Variants in IL22RA1 observed in about 807,000 individuals in gnomAD.
The protein encoded by IL22RA1 is interleukin 22 receptor subunit alpha 1.
A neutral mutation model predicts 32.8 loss-of-function variants in IL22RA1; 25 were observed. The ratio of observed to expected loss-of-function variants is 0.76; its 90% CI spans 0.55 to 1.06. The LOEUF is 1.06. Among genes scored for constraint, IL22RA1 ranks in the 50% least tolerant of loss-of-function variants. The pLI is 0.00. For missense variants in IL22RA1, 709 were observed against 727.4 expected, an observed-to-expected ratio of 0.97 and a Z score of 0.29; for synonymous variants, 305 against 305.0, an observed-to-expected ratio of 1.00 and a Z score of 0.00.
At chr1:24,126,494 G>A (rs986977538) in intron 5 of IL22RA1, among the ~76,000 whole-genome samples, 1 of 152,190 alleles carries the variant, frequency 6.6e-6, no homozygotes, top group East Asian at 1.9e-4. Flanking sequence ...CCCAGAGGCT[G>A]AGTGACTCCC....
At chr1:24,129,595 A>G (rs1569571584) in intron 4 of IL22RA1, among the ~76,000 whole-genome samples, 1 of 152,192 alleles carries the variant, frequency 6.6e-6, no homozygotes, top group Admixed American at 6.5e-5. Context: ...ATTGCCCTTA[A>G]AGGATCCAGA....
intron 6 of IL22RA1, 89 bp from the exon 7 acceptor site, chr1:24,121,826 A>C: frequency 1.9e-6 from 2 of 1,075,614 alleles, no homozygotes; most frequent in Non-Finnish European, 2.5e-6. Flanking sequence ...GGTCCTCCAT[A>C]GGGAGGCATC....
chr1:24,140,595 G>A (rs1644273746), intron 1 of IL22RA1, among the ~76,000 whole-genome samples: 1 of 152,196 alleles, frequency 6.6e-6, no homozygotes, highest in African/African-American at 2.4e-5. Flanking sequence ...GAAGGGCAGT[G>A]AGGGCCTGAG....
chr1:24,129,085 G>A (rs901441986), intron 4 of IL22RA1, among the ~76,000 whole-genome samples: 3 of 152,068 alleles, frequency 2.0e-5, no homozygotes, highest in Admixed American at 6.5e-5. Flanking sequence ...TTTGATTCTC[G>A]TTCTTCTGTG....
At chr1:24,126,027 G>A (rs997877320) in intron 5 of IL22RA1, among the ~76,000 whole-genome samples, 1 of 152,246 alleles carries the variant, frequency 6.6e-6, no homozygotes, top group Non-Finnish European at 1.5e-5. Flanking sequence ...TTGTGGGTAA[G>A]GGTGGAGTGG....
At chr1:24,139,040 A>C (rs1406557331) in intron 1 of IL22RA1, among the ~76,000 whole-genome samples, 1 of 152,246 alleles carries the variant, frequency 6.6e-6, no homozygotes, top group Non-Finnish European at 1.5e-5. Flanking sequence ...AACGTTGTGC[A>C]ATCATCGCTA....
chr1:24,134,470 G>T, intron 3 of IL22RA1, 84 bp from the exon 4 acceptor site: 1 of 992,196 alleles, frequency 1.0e-6, no homozygotes, highest in Non-Finnish European at 1.4e-6. Flanking sequence ...AGTGGAAAAT[G>T]ACTGCTCCCT....
At chr1:24,141,971 G>A (rs4648936) in intron 1 of IL22RA1, among the ~76,000 whole-genome samples, 92,793 of 152,036 alleles carry the variant, frequency 0.61, 30,679 homozygotes, top group East Asian at 0.99. Context: ...GCAGCGCGAG[G>A]CAGCTGACCC....
At chr1:24,129,488 C>A (rs1227985681) in intron 4 of IL22RA1, among the ~76,000 whole-genome samples, 1 of 152,230 alleles carries the variant, frequency 6.6e-6, no homozygotes, top group East Asian at 1.9e-4. Context: ...GCTTTTGATT[C>A]TCTAATTTTG....
chr1:24,139,969 T>C (rs1644269382), intron 1 of IL22RA1, among the ~76,000 whole-genome samples: 1 of 152,236 alleles, frequency 6.6e-6, no homozygotes, highest in Non-Finnish European at 1.5e-5. Flanking sequence ...CGCTCTTGAC[T>C]GAGCCCACAC....
chr1:24,130,268 C>T (rs1225796221), intron 4 of IL22RA1, among the ~76,000 whole-genome samples: 1 of 152,120 alleles, frequency 6.6e-6, no homozygotes, highest in African/African-American at 2.4e-5. Context: ...ACCCTTTATT[C>T]TCAGTGGCTT....
chr1:24,134,493 T>C lies in IL22RA1; in HGVS notation c.356-107A>G, dbSNP rs936836421. 3.9e-6 allele frequency: 3 copies of C among 760,006 alleles called. No individual in the cohort carries two copies. The East Asian group carries it at 9.5e-5, about 24-fold the overall frequency. The allele number at this position is 760,006 out of a possible 1,614,324, so 47.1% of individuals were successfully genotyped here. A position where few individuals can be genotyped will look rare whatever the true frequency, so the allele number is the denominator to read the frequency against. ...ATGACTGCTCCCTCTCTCCTTCCAC[T>C]CCAGTGCCAGCTATGCTTCTGAAAG... On this transcript the variant is annotated intron_variant, in intron 3 of 6. Transcript: ENST00000270800.
At chr1:24,141,634 T>C (rs1440772302) in intron 1 of IL22RA1, among the ~76,000 whole-genome samples, 5 of 152,154 alleles carry the variant, frequency 3.3e-5, no homozygotes, top group African/African-American at 1.2e-4. Context: ...TCCTGTCTTT[T>C]AGGGATGTCA....
At chr1:24,132,333 G>GC (rs1644211001) in intron 4 of IL22RA1, among the ~76,000 whole-genome samples, 2 of 135,268 alleles carry the variant, frequency 1.5e-5, no homozygotes, top group Non-Finnish European at 3.2e-5. Flanking sequence ...TTGTGTGTGT[G>GC]TTTTTTTTTT....
chr1:24,128,284 A>G lies in IL22RA1; in HGVS notation c.532-5T>C, dbSNP rs1440569120. ...TCTCTGCTTCCCTCCAAGGTGCTGA[A>G]TTGGACAGAGAATGGAATGTGATTC... On this transcript the variant is annotated splice_region_variant and splice_polypyrimidine_tract_variant and intron_variant, in intron 4 of 6. Transcript: ENST00000270800. The G allele has an allele frequency of 1.2e-6, 2 of 1,613,334 alleles. No homozygotes were observed. Among genetic ancestry groups the G allele is most frequent in the Non-Finnish European group, 1.7e-6 (2 of 1,179,714 alleles).
At chr1:24,128,339 C>A in intron 4 of IL22RA1, 60 bp from the exon 5 acceptor site, 1 of 1,604,680 alleles carries the variant, frequency 6.2e-7, no homozygotes, top group Non-Finnish European at 8.5e-7. Flanking sequence ...ACATAGAGCC[C>A]AAGGAAGCTT....
Position 24,138,606 on chromosome 1 carries a change from G to T in IL22RA1, c.152C>A (p.Thr51Lys). 1 of 1,614,150 alleles carries T rather than the reference G, an allele frequency of 6.2e-7. No individual in the cohort carries two copies. Among genetic ancestry groups the T allele is most frequent in the Non-Finnish European group, 8.5e-7 (1 of 1,180,010 alleles). Residue 51 changes from threonine to lysine, a missense_variant, in exon 2 of 7, where the codon ACG becomes AAG. Thr to Lys is a moderately conservative substitution (Grantham distance 78). Transcript: ENST00000270800. ...WDSGPEGTPD[T>K]VYSIEYKTYG... ...CGTCTTATACTCGATGCTGTAGACCGTGTCTGGGGTGCCCTCCGGCCCGCT... is the reference window on the plus strand; with the variant it reads ...CGTCTTATACTCGATGCTGTAGACCTTGTCTGGGGTGCCCTCCGGCCCGCT...
chr1:24,131,478 G>A (rs1282893584), intron 4 of IL22RA1, among the ~76,000 whole-genome samples: 6 of 152,082 alleles, frequency 3.9e-5, no homozygotes, highest in Admixed American at 6.5e-5. Context: ...TATTAATATC[G>A]ATAAAGTAGA....
Position 24,128,225 on chromosome 1 carries a change from C to G in IL22RA1, c.586G>C (p.Glu196Gln), listed in dbSNP as rs912743387. 6.2e-7 allele frequency: 1 copy of G among 1,609,870 alleles called. No homozygotes were observed. The highest frequency in any genetic ancestry group is 1.3e-5 in the African/African-American group (1 of 74,510). The change falls in exon 5 of 7, where the codon GAG (glutamate) becomes CAG (glutamine). Residue 196 changes from glutamate to glutamine, a missense_variant. Physicochemically the swap from Glu to Gln is conservative, Grantham distance 29. Coordinates refer to ENST00000270800, the MANE Select transcript of IL22RA1 (RefSeq NM_021258.4). ...YEFFGLTPDT[E>Q]FLGTIMICVP... is the part of the protein sequence containing the mutation. ...CAAATCATGATGGTGCCAAGGAACT[C>G]TGTGTCAGGGGTCAGGCCGAAGAAC... is the stretch of plus-strand genomic sequence containing the variant.
Sources: gnomAD v4.1 joint callset for allele counts (sites outside exome capture counted in the v4.1 genomes callset) on GRCh38, gnomAD v4.1.1 for gene constraint, MANE v1.5 for transcripts, NCBI Gene and HGNC (gene_info 2026-07-23, HGNC 2026-07-21) for gene names.